Variants in SLC36A1 observed in about 807,000 individuals in gnomAD.
SLC36A1 encodes proton-coupled amino acid transporter 1.
A neutral mutation model predicts 47.5 loss-of-function variants in SLC36A1; 30 were observed. The observed-to-expected ratio is 0.63, with a 90% CI of 0.47 to 0.86. The LOEUF (loss-of-function observed/expected upper bound fraction) is 0.86. Among genes scored for constraint, SLC36A1 ranks in the 40% least tolerant of loss-of-function variants. SLC36A1 has a pLI of 0.00. For synonymous variants in SLC36A1, 255 were observed against 249.7 expected (o/e 1.02, Z -0.20); for missense variants, 517 against 606.0 (o/e 0.85, Z 1.54).
chr5:151,380,725 C>T, the SLC36A1 span: 1 of 546,100 alleles, frequency 1.8e-6, no homozygotes, highest in South Asian at 1.4e-5. Flanking sequence ...GTCCATCGAC[C>T]TCATCCAAGA....
chr5:151,425,781 A>T, the SLC36A1 span, among the ~76,000 whole-genome samples: 34 of 152,346 alleles, frequency 2.2e-4, no homozygotes, highest in Non-Finnish European at 3.5e-4. Flanking sequence ...TTTTAAATAG[A>T]TACATAGTTT....
At chr5:151,361,222 T>G in the SLC36A1 span, among the ~76,000 whole-genome samples, 1 of 152,212 alleles carries the variant, frequency 6.6e-6, no homozygotes, top group Admixed American at 6.5e-5. Flanking sequence ...CTATGTGTAG[T>G]GAGCCTTAAA....
At chr5:151,429,867 A>G in the SLC36A1 span, among the ~76,000 whole-genome samples, 1 of 152,238 alleles carries the variant, frequency 6.6e-6, no homozygotes, top group Admixed American at 6.5e-5. Context: ...CTTCAAGGAC[A>G]GATGACCATT....
chr5:151,445,472 A>G (rs1752863044), upstream of SLC36A1, among the ~76,000 whole-genome samples: 1 of 152,182 alleles, frequency 6.6e-6, no homozygotes, highest in Non-Finnish European at 1.5e-5. Context: ...TGGCTTAGGT[A>G]TCAAGGTGAT....
At chr5:151,453,931 C>T (rs910627838) in intron 1 of SLC36A1, among the ~76,000 whole-genome samples, 4 of 151,692 alleles carry the variant, frequency 2.6e-5, no homozygotes, top group African/African-American at 4.8e-5. Flanking sequence ...ATATTGCATC[C>T]GTTGCACAAA....
the SLC36A1 span, chr5:151,540,780 G>C: frequency 6.3e-7 from 1 of 1,597,852 alleles, no homozygotes; most frequent in Non-Finnish European, 8.6e-7. Flanking sequence ...AGATGGGGCA[G>C]AGCTTTCAGA....
the SLC36A1 span, chr5:151,414,868 A>C: frequency 6.6e-6 from 1 of 152,150 alleles, no homozygotes; most frequent in Non-Finnish European, 1.5e-5. Context: ...TACCTCACTT[A>C]TCTGATGCCC....
chr5:151,364,161 C>T, the SLC36A1 span, among the ~76,000 whole-genome samples: 6 of 152,068 alleles, frequency 3.9e-5, no homozygotes, highest in African/African-American at 1.2e-4. Flanking sequence ...TTTATGGCAA[C>T]GAATGATAAA....
At chr5:151,502,344 A>G in the SLC36A1 span, among the ~76,000 whole-genome samples, 175 of 148,268 alleles carry the variant, frequency 1.2e-3, 3 homozygotes, top group Non-Finnish European at 2.2e-3. Context: ...ATGCTTTGTA[A>G]AAGACAGTGT....
chr5:151,542,417 G>C, the SLC36A1 span: 2 of 1,614,128 alleles, frequency 1.2e-6, no homozygotes, highest in Non-Finnish European at 1.7e-6. Flanking sequence ...GCAAATCGGG[G>C]AGCATTGTCA....
chr5:151,420,878 C>CTTTT, the SLC36A1 span, among the ~76,000 whole-genome samples: 422 of 144,000 alleles, frequency 2.9e-3, 2 homozygotes, highest in African/African-American at 6.9e-3. Flanking sequence ...CTCTTTCTTT[C>CTTTT]TTTTTTTTTT....
chr5:151,541,952 C>T, the SLC36A1 span, among the ~76,000 whole-genome samples: 2 of 152,250 alleles, frequency 1.3e-5, no homozygotes, highest in Non-Finnish European at 2.9e-5. Flanking sequence ...GATCATGCAA[C>T]ATTCTTGGTG....
chr5:151,461,260 G>C (rs780280568), intron 2 of SLC36A1, among the ~76,000 whole-genome samples: 2 of 151,640 alleles, frequency 1.3e-5, no homozygotes, highest in African/African-American at 4.8e-5. Flanking sequence ...AAAGTGCTTG[G>C]ATTATAGGCA....
chr5:151,497,248 AT>A (rs1467835239), downstream of SLC36A1, among the ~76,000 whole-genome samples: 1 of 152,230 alleles, frequency 6.6e-6, no homozygotes, highest in East Asian at 1.9e-4. Context: ...AAGTAGTATA[AT>A]TTTTATAGAA....
At chr5:151,531,809 G>A in the SLC36A1 span, 1 of 1,613,636 alleles carries the variant, frequency 6.2e-7, no homozygotes, top group Admixed American at 1.7e-5. This position sits in a 1 kb window ranked among gnomAD's most constrained non-coding sequence, Gnocchi z 5.7. Context: ...GTGGACAGCG[G>A]TATTGGGGTG....
chr5:151,434,862 G>A (rs578077766), upstream of SLC36A1, among the ~76,000 whole-genome samples: 7 of 152,196 alleles, frequency 4.6e-5, no homozygotes, highest in South Asian at 6.2e-4. Context: ...TGGACTTTTC[G>A]GTCTCCGGAA....
chr5:151,555,518 C>T, the SLC36A1 span, among the ~76,000 whole-genome samples: 4 of 151,512 alleles, frequency 2.6e-5, no homozygotes, highest in African/African-American at 9.7e-5. Flanking sequence ...TACAAGCACC[C>T]GCCACCACAC....
chr5:151,531,851 G>C, the SLC36A1 span: 5 of 1,614,022 alleles, frequency 3.1e-6, no homozygotes, highest in Non-Finnish European at 4.2e-6. The surrounding 1 kb of genome is among the most constrained non-coding windows in gnomAD (Gnocchi z 5.7). Flanking sequence ...GTGAGCTCCA[G>C]TGGTGCCTGG....
the SLC36A1 span, among the ~76,000 whole-genome samples, chr5:151,392,774 T>G: frequency 1.3e-5 from 2 of 152,214 alleles, no homozygotes; most frequent in African/African-American, 4.8e-5. Context: ...AGACAGTTTG[T>G]TATAATTTCT....
Sources: gnomAD v4.1 joint callset for allele counts (sites outside exome capture counted in the v4.1 genomes callset) on GRCh38, gnomAD v4.1.1 for gene constraint, Gnocchi (gnomAD v3.1) non-coding constraint, MANE v1.5 for transcripts, NCBI Gene and HGNC (gene_info 2026-07-23, HGNC 2026-07-21) for gene names.